XYLT1: variants seen among roughly 807,000 people sequenced by gnomAD.
XYLT1 encodes xylosyltransferase 1.
In XYLT1, 36 loss-of-function variants were observed where a neutral mutation model predicts 91.3. The observed-to-expected ratio is 0.39, with a 90% CI of 0.30 to 0.52. The LOEUF (loss-of-function observed/expected upper bound fraction) is 0.52, where lower values mean the gene tolerates loss of function less well. Among genes scored for constraint, XYLT1 ranks in the 20% least tolerant of loss-of-function variants. XYLT1 has a pLI of 0.68. For synonymous variants in XYLT1, 588 were observed against 532.0 expected (o/e 1.11, Z -1.45); for missense variants, 1,242 against 1,284.5 (o/e 0.97, Z 0.51).
chr16:17,434,420 G>T lies in XYLT1; in HGVS notation c.363+36014C>A, dbSNP rs185898088. On this transcript the variant is annotated intron_variant, in intron 1 of 11. Coordinates refer to ENST00000261381, the MANE Select transcript of XYLT1 (RefSeq NM_022166.4). Reference sequence around the variant, plus strand: ...TCCACACAATGCCTTTCTGTCTTTCGTAAGTATGCAATGATGAAGATGCAT... The same window carrying T: ...TCCACACAATGCCTTTCTGTCTTTCTTAAGTATGCAATGATGAAGATGCAT... 7.9e-3 allele frequency among the ~76,000 whole-genome samples: 1,198 copies of T among 152,268 alleles called. 8 individuals are homozygous for T. The highest frequency in any genetic ancestry group is 0.031 in the Middle Eastern group (9 of 294).
intron 1 of XYLT1, chr16:17,403,360 C>G (rs922693743): frequency 1.5e-4 from 23 of 152,262 alleles, no homozygotes; most frequent in African/African-American, 5.5e-4. Flanking sequence ...GATTTTAACA[C>G]CTGGATTAGT....
chr16:17,149,113 A>T (rs2031216501), intron 6 of XYLT1, among the ~76,000 whole-genome samples: 1 of 152,246 alleles, frequency 6.6e-6, no homozygotes, highest in Non-Finnish European at 1.5e-5. Context: ...GGTGGGAAGA[A>T]GTCCTGATTC....
intron 1 of XYLT1, among the ~76,000 whole-genome samples, chr16:17,434,693 C>T (rs188173087): frequency 2.8e-4 from 42 of 152,174 alleles, no homozygotes; most frequent in Admixed American, 6.5e-4. Flanking sequence ...CCCATTTCTA[C>T]AAAAATAATA....
At chr16:17,179,853 A>G (rs2032027289) in intron 5 of XYLT1, among the ~76,000 whole-genome samples, 1 of 152,216 alleles carries the variant, frequency 6.6e-6, no homozygotes, top group Non-Finnish European at 1.5e-5. Context: ...GTTAATATAG[A>G]TAAACATGGA....
chr16:17,337,777 TTTTC>T (rs1320918171), intron 2 of XYLT1, among the ~76,000 whole-genome samples: 8 of 134,992 alleles, frequency 5.9e-5, no homozygotes, highest in African/African-American at 1.6e-4. Context: ...CATTTTTTCT[TTTTC>T]TTTTTTTTTT....
rs1425792697 is a variant in XYLT1, at chr16:17,146,386, C to T, written c.1371-5017G>A. ...GCAGTGTGGTTTTACCTGTCACCAG[C>T]TGGGTGACTTCAAAATGTTAAGGAG... On this transcript the variant is annotated intron_variant, in intron 6 of 11. Coordinates refer to ENST00000261381, the MANE Select transcript of XYLT1 (RefSeq NM_022166.4). Among the ~76,000 whole-genome samples, 2 of 152,150 alleles carry T rather than the reference C, an allele frequency of 1.3e-5. 1 individual carries two copies. The highest frequency in any genetic ancestry group is 1.3e-4 in the Admixed American group (2 of 15,280).
At chr16:17,128,842 C>T (rs1046604184) in intron 9 of XYLT1, among the ~76,000 whole-genome samples, 8 of 152,124 alleles carry the variant, frequency 5.3e-5, no homozygotes, top group South Asian at 4.1e-4. Flanking sequence ...AAATAGCTGC[C>T]GCTTCTGCAA....
At chr16:17,122,536 G>A (rs1348484879) in intron 10 of XYLT1, among the ~76,000 whole-genome samples, 1 of 152,170 alleles carries the variant, frequency 6.6e-6, no homozygotes, top group African/African-American at 2.4e-5. Context: ...CACTCTCTGG[G>A]TTGTCTGTTT....
At chr16:17,397,104 G>A (rs187925715) in intron 1 of XYLT1, among the ~76,000 whole-genome samples, 2,408 of 152,232 alleles carry the variant, frequency 0.016, 74 homozygotes, top group African/African-American at 0.055. Context: ...TTAAGAAAAG[G>A]CTGGCCAACC....
intron 3 of XYLT1, among the ~76,000 whole-genome samples, chr16:17,212,207 T>C (rs2032771349): frequency 6.6e-6 from 1 of 152,250 alleles, no homozygotes; most frequent in Middle Eastern, 3.2e-3. Flanking sequence ...CTCTGTGTTG[T>C]AAGAAGCTCT....
chr16:17,166,351 T>A (rs150613388), intron 5 of XYLT1, among the ~76,000 whole-genome samples: 1 of 152,190 alleles, frequency 6.6e-6, no homozygotes, highest in Non-Finnish European at 1.5e-5. Flanking sequence ...TGAGTCCAAT[T>A]CCCATCTGTT....
intron 5 of XYLT1, among the ~76,000 whole-genome samples, chr16:17,186,467 A>ATT (rs55895412): frequency 0.095 from 12,526 of 132,330 alleles, 693 homozygotes; most frequent in Middle Eastern, 0.13. Flanking sequence ...CACCTGGTTA[A>ATT]TTTTTTTTTT....
At chr16:17,212,004 T>TC (rs1471995197) in intron 3 of XYLT1, among the ~76,000 whole-genome samples, 1 of 152,150 alleles carries the variant, frequency 6.6e-6, no homozygotes, top group Non-Finnish European at 1.5e-5. Context: ...TTGATGTGTG[T>TC]CCCCCTGGTG....
intron 3 of XYLT1, among the ~76,000 whole-genome samples, chr16:17,219,109 C>T (rs1179507622): frequency 6.6e-6 from 1 of 151,946 alleles, no homozygotes; most frequent in Non-Finnish European, 1.5e-5. Context: ...TGGTAAAACC[C>T]TGTATCTACT....
intron 3 of XYLT1, among the ~76,000 whole-genome samples, chr16:17,232,209 A>G (rs1478771096): frequency 7.2e-6 from 1 of 138,690 alleles, no homozygotes; most frequent in Non-Finnish European, 1.5e-5. Flanking sequence ...TATAATATAT[A>G]TTATATATAC....
intron 3 of XYLT1, among the ~76,000 whole-genome samples, chr16:17,240,661 C>T (rs1055391747): frequency 6.6e-6 from 1 of 152,164 alleles, no homozygotes; most frequent in African/African-American, 2.4e-5. Flanking sequence ...CCTGAACCAG[C>T]CTCAGTGGCC....
rs903143223 is a variant in XYLT1, at chr16:17,322,560, C to T, written c.402+35452G>A. ...TAATAGAGCAATGAGCAGAAAGGAT[C>T]GAATTCCAGCCTGCCTCAGGACCTC... is the stretch of plus-strand genomic sequence containing the variant. On this transcript the variant is annotated intron_variant, in intron 2 of 11. Transcript: ENST00000261381. 2.6e-5 allele frequency among the ~76,000 whole-genome samples: 4 copies of T among 152,178 alleles called. No individual in the cohort carries two copies. In the South Asian group the frequency reaches 6.2e-4, roughly 24 times the overall value.
At chr16:17,470,109 G>A (rs1173624907) in intron 1 of XYLT1, among the ~76,000 whole-genome samples, 1 of 152,122 alleles carries the variant, frequency 6.6e-6, no homozygotes, top group Non-Finnish European at 1.5e-5. Flanking sequence ...AGACCTACAC[G>A]CACGGAGCAA....
At chr16:17,178,059 G>T (rs149331051) in intron 5 of XYLT1, among the ~76,000 whole-genome samples, 274 of 145,204 alleles carry the variant, frequency 1.9e-3, no homozygotes, top group African/African-American at 7.0e-3. Flanking sequence ...TTTATCCTGC[G>T]TTTAGGCAGA....
Sources: gnomAD v4.1 joint callset for allele counts (sites outside exome capture counted in the v4.1 genomes callset) on GRCh38, gnomAD v4.1.1 for gene constraint, MANE v1.5 for transcripts, NCBI Gene and HGNC (gene_info 2026-07-23, HGNC 2026-07-21) for gene names.